TENT4A: variants seen among roughly 807,000 people sequenced by gnomAD.
TENT4A encodes DNA polymerase kappa.
In TENT4A, 7 loss-of-function variants were observed where a neutral mutation model predicts 72.8. That is an observed-to-expected ratio of 0.10 (90% CI 0.05 to 0.18). The LOEUF (loss-of-function observed/expected upper bound fraction) is 0.18, where lower values mean the gene tolerates loss of function less well. Ranked by LOEUF, TENT4A falls within the 10% of genes least tolerant of loss-of-function variation. The probability of loss-of-function intolerance (pLI) is 1.00; values close to 1 mark genes in which losing one functional copy is unlikely to be tolerated. For missense variants in TENT4A, 831 were observed against 1,017.7 expected (o/e 0.82, Z 2.50); for synonymous variants, 456 against 434.3 (o/e 1.05, Z -0.62).
chr5:6,740,793 G>A (rs1469837595), intron 4 of TENT4A, among the ~76,000 whole-genome samples: 1 of 152,216 alleles, frequency 6.6e-6, no homozygotes, highest in Admixed American at 6.5e-5. Context: ...AGAAGGGGCT[G>A]TTGGCTCTTC....
At chr5:6,723,339 G>T (rs189158650) in intron 1 of TENT4A, among the ~76,000 whole-genome samples, 3 of 152,336 alleles carry the variant, frequency 2.0e-5, no homozygotes, top group Admixed American at 2.0e-4. Context: ...GGTTAATGAT[G>T]GTGCAGACGG....
chr5:6,741,509 T>C (rs1741804833), intron 4 of TENT4A, among the ~76,000 whole-genome samples: 1 of 152,194 alleles, frequency 6.6e-6, no homozygotes, highest in Non-Finnish European at 1.5e-5. Context: ...CAGGGAGGCA[T>C]AGCCATTGAG....
chr5:6,714,667 GAAGAGCCGCGCGTACAGCCCGGGCA>G lies in TENT4A; in HGVS notation c.685_709del (p.Lys229SerfsTer8). On this transcript the variant is annotated frameshift_variant, in exon 1 of 13. Coordinates refer to ENST00000230859, the MANE Select transcript of TENT4A (RefSeq NM_006999.6). LOFTEE classifies it high-confidence loss of function. ...AGGCGCCGCGGCCCGGCACCCCGTG[GAAGAGCCGCGCGTACAGCCCGGGCA>G]TCCAGGGGTGAGTGCGCGGGGAGGC... The G allele has an allele frequency of 1.7e-6, 2 of 1,197,102 alleles. No individual in the cohort carries two copies. Among genetic ancestry groups the G allele is most frequent in the Non-Finnish European group, 2.1e-6 (2 of 965,490 alleles). The allele number at this position is 1,197,102 out of a possible 1,614,324, so 74.2% of individuals were successfully genotyped here. A position where few individuals can be genotyped will look rare whatever the true frequency, so the allele number is the denominator to read the frequency against.
chr5:6,727,909 C>G (rs1741016711), intron 1 of TENT4A, among the ~76,000 whole-genome samples: 1 of 152,130 alleles, frequency 6.6e-6, no homozygotes, highest in Admixed American at 6.5e-5. Context: ...ACCACGAATC[C>G]CATCTGCTTG....
At chr5:6,726,925 C>A (rs542678066) in intron 1 of TENT4A, among the ~76,000 whole-genome samples, 1 of 152,224 alleles carries the variant, frequency 6.6e-6, no homozygotes, top group East Asian at 1.9e-4. Context: ...GTTACCGGTC[C>A]CATCTTCCTG....
At chr5:6,715,426 G>T (rs866557636) in intron 1 of TENT4A, among the ~76,000 whole-genome samples, 2 of 152,170 alleles carry the variant, frequency 1.3e-5, no homozygotes, top group East Asian at 3.8e-4. Context: ...TGTGTGTTTC[G>T]GGGTTGGAAT....
At chr5:6,746,056 GGCT>G (rs1421178609) in intron 6 of TENT4A, 155 bp from the exon 7 acceptor site, 1 of 1,488,026 alleles carries the variant, frequency 6.7e-7, no homozygotes, top group African/African-American at 1.4e-5. Context: ...TCGTTGAAGA[GGCT>G]GCTGTTCAGG....
At chr5:6,726,449 T>A (rs1053401973) in intron 1 of TENT4A, among the ~76,000 whole-genome samples, 1 of 152,190 alleles carries the variant, frequency 6.6e-6, no homozygotes, top group Non-Finnish European at 1.5e-5. Context: ...CTGCGTTGCC[T>A]CTGGTCAGCT....
chr5:6,721,429 T>C (rs1740642069), intron 1 of TENT4A, among the ~76,000 whole-genome samples: 1 of 152,248 alleles, frequency 6.6e-6, no homozygotes. Flanking sequence ...AAGAAAATTC[T>C]ATACTGTATT....
intron 3 of TENT4A, 99 bp downstream of exon 3, chr5:6,738,828 G>A (rs894238817): frequency 2.3e-5 from 20 of 871,192 alleles, no homozygotes; most frequent in Non-Finnish European, 3.4e-5. Flanking sequence ...TGAGTCTAAG[G>A]CGAGAAATGC....
Position 6,720,142 on chromosome 5 carries a change from T to C in TENT4A, c.716+5443T>C, listed in dbSNP as rs187242544. On this transcript the variant is annotated intron_variant, in intron 1 of 12. Transcript: ENST00000230859. ...GGTACTTTGAATTTCTCTGATGTTT[T>C]CCGCCAGCTGGAGGAAGCCCCCTGT... Among the ~76,000 whole-genome samples the C allele has an allele frequency of 5.0e-3, 758 of 152,322 alleles. 4 individuals carry two copies. The highest frequency in any genetic ancestry group is 7.1e-3 in the Non-Finnish European group (483 of 68,026).
At chr5:6,717,849 G>A (rs114113500) in intron 1 of TENT4A, among the ~76,000 whole-genome samples, 2,814 of 152,326 alleles carry the variant, frequency 0.018, 34 homozygotes, top group South Asian at 0.04. Context: ...TGTCATGGTC[G>A]TTCTAGCAGC....
chr5:6,751,344 C>T, intron 11 of TENT4A, 147 bp downstream of exon 11: 1 of 818,528 alleles, frequency 1.2e-6, no homozygotes, highest in Non-Finnish European at 1.9e-6. Flanking sequence ...TCTAGGAAAT[C>T]CTCTCTTTTT....
chr5:6,744,566 G>A (rs1001923835), intron 6 of TENT4A, among the ~76,000 whole-genome samples: 2 of 152,148 alleles, frequency 1.3e-5, no homozygotes, highest in African/African-American at 4.8e-5. Context: ...TGAGATTACC[G>A]AATCTGTCCA....
chr5:6,717,332 C>G lies in TENT4A; in HGVS notation c.716+2633C>G, dbSNP rs1319172634. On this transcript the variant is annotated intron_variant, in intron 1 of 12. Coordinates refer to ENST00000230859, the MANE Select transcript of TENT4A (RefSeq NM_006999.6). ...TTGGGGTTGTGATATAGTCCCAGGA[C>G]ATGCACTTCTGAAAATGCAGTGTGT... Among the ~76,000 whole-genome samples the G allele has an allele frequency of 2.0e-5, 3 of 152,258 alleles. No homozygotes were observed. In the East Asian group the frequency reaches 5.8e-4, roughly 29 times the overall value.
At chr5:6,746,457 A>T (rs1742102130) in intron 7 of TENT4A, 30 bp downstream of exon 7, 1 of 1,606,376 alleles carries the variant, frequency 6.2e-7, no homozygotes, top group African/African-American at 1.3e-5. Flanking sequence ...CACTGCTGAG[A>T]GCTGGGCCAG....
rs1173453677 is a variant in TENT4A, at chr5:6,756,990, A to G, written c.*2045A>G. On this transcript the variant is annotated 3_prime_UTR_variant, in exon 13 of 13. Transcript: ENST00000230859. ...CAACAATATGGAAGCTAAAATTGACATATTTTTATGTAAAGTTTTTCTATT... is the reference window on the plus strand; with the variant it reads ...CAACAATATGGAAGCTAAAATTGACGTATTTTTATGTAAAGTTTTTCTATT... 1 of 152,586 alleles carries G rather than the reference A, an allele frequency of 6.6e-6. No homozygotes were observed. Among genetic ancestry groups the G allele is most frequent in the Non-Finnish European group, 1.5e-5 (1 of 68,032 alleles). 9.5% of individuals were successfully genotyped at this position (152,586 alleles called of 1,614,324 possible).
At chr5:6,725,348 T>C (rs1008784774) in intron 1 of TENT4A, among the ~76,000 whole-genome samples, 25 of 152,046 alleles carry the variant, frequency 1.6e-4, no homozygotes, top group African/African-American at 6.0e-4. Flanking sequence ...AGAAAACAAT[T>C]ATGCTGAGTT....
At position 6,752,992 on chromosome 5, in the gene TENT4A, C is replaced by T. The variant is rs753624477; in HGVS notation, c.2139C>T (p.Pro713=). 9.9e-6 allele frequency: 16 copies of T among 1,614,102 alleles called. No homozygotes were observed. Among genetic ancestry groups the T allele is most frequent in the African/African-American group, 4.0e-5 (3 of 74,924 alleles). ...AVHHMSSPAI[P]SASPNPLSSP... ...ACCACATGTCTTCCCCGGCCATTCC[C>T]TCAGCGTCCCCCAACCCGCTCTCGA... The change falls in exon 12 of 13, where the codon CCC becomes CCT. Residue 713 remains proline (P), a synonymous_variant. Coordinates refer to ENST00000230859, the MANE Select transcript of TENT4A (RefSeq NM_006999.6).
Sources: gnomAD v4.1 joint callset for allele counts (sites outside exome capture counted in the v4.1 genomes callset) on GRCh38, gnomAD v4.1.1 for gene constraint, MANE v1.5 for transcripts, NCBI Gene and HGNC (gene_info 2026-07-23, HGNC 2026-07-21) for gene names.